Variants in TAP1 observed in about 807,000 individuals in gnomAD.
The protein encoded by TAP1 is transporter 1, ATP binding cassette subfamily B member.
TAP1 carries 56 observed loss-of-function variants against 79.3 expected under a neutral mutation model. The observed-to-expected ratio is 0.71, with a 90% CI of 0.57 to 0.88. The LOEUF (loss-of-function observed/expected upper bound fraction) is 0.88. TAP1 is among the 40% of genes least tolerant of loss of function. TAP1 has a pLI of 0.00. For synonymous variants in TAP1, 355 were observed against 401.4 expected (o/e 0.88, Z 1.38); for missense variants, 737 against 936.3 (o/e 0.79, Z 2.78).
chr6:32,853,047 G>C lies in TAP1; in HGVS notation c.590C>G (p.Ser197Cys). ...LSLFLVLVVL[S>C]SLGEMAIPFF... ...CCCTGCGTTCCCCTTACCAAGAGAGGAGAGGACCACCAGGACCAGGAACAG... is the reference window on the plus strand; with the variant it reads ...CCCTGCGTTCCCCTTACCAAGAGAGCAGAGGACCACCAGGACCAGGAACAG... Residue 197 changes from serine (S) to cysteine (C), a missense_variant, in exon 1 of 11, where the codon TCC becomes TGC. This residue lies in a region of TAP1 where 406 missense variants were observed against 477.2 expected (regional missense o/e 0.85). Transcript: ENST00000354258. The surrounding 1 kb of genome is among the most constrained non-coding windows in gnomAD (Gnocchi z 8.3). 6.2e-7 allele frequency: 1 copy of C among 1,612,256 alleles called. No homozygotes were observed. Among genetic ancestry groups the C allele is most frequent in the Admixed American group, 1.7e-5 (1 of 60,020 alleles).
chr6:32,852,112 T>C lies in TAP1; in HGVS notation c.841A>G (p.Thr281Ala). The change falls in exon 3 of 11, where the codon ACA becomes GCA. Residue 281 changes from threonine (T) to alanine (A), a missense_variant. Physicochemically the swap from Thr to Ala is moderately conservative, Grantham distance 58 (BLOSUM62 0). Coordinates refer to ENST00000354258, the MANE Select transcript of TAP1 (RefSeq NM_000593.6). This position sits in a 1 kb window ranked among gnomAD's most constrained non-coding sequence, Gnocchi z 4.8. ...ATGAAAGAGTTTCAGGAGAAACCTG[T>C]CTGGTTCTGTTGGAAAAACTCCGTC... ...QETEFFQQNQ[T>A]GNIMSRVTED... The C allele has an allele frequency of 6.2e-7, 1 of 1,613,028 alleles. No individual in the cohort carries two copies. The highest frequency in any genetic ancestry group is 8.5e-7 in the Non-Finnish European group (1 of 1,180,022).
rs867642641 is a variant in TAP1 at position 32,850,071 on chromosome 6, G to T, written c.1248+249C>A. ...GGAAGGCCCTAGGACTGGAAGACAC[G>T]CATCTCTCCAATCCACATGGTTGGG... On this transcript the variant is annotated intron_variant, in intron 5 of 10. Transcript: ENST00000354258. The surrounding 1 kb of genome is among the most constrained non-coding windows in gnomAD (Gnocchi z 5.5). 3.7e-5 allele frequency: 22 copies of T among 593,984 alleles called. 1 individual carries two copies. The South Asian group carries it at 4.1e-4, about 11-fold the overall frequency. The allele number at this position is 593,984 out of a possible 1,614,324, so 36.8% of individuals were successfully genotyped here.
In TAP1 at chr6:32,850,049, A is replaced by G; in HGVS notation, c.1248+271T>C. ...TGCACTTCCCCTGAGAGGCAAAGGA[A>G]GGCCCTAGGACTGGAAGACACGCAT... On this transcript the variant is annotated intron_variant, in intron 5 of 10. Transcript: ENST00000354258. The surrounding 1 kb of genome is among the most constrained non-coding windows in gnomAD (Gnocchi z 5.5). The G allele has an allele frequency of 1.8e-6, 1 of 557,354 alleles. No homozygotes were observed. The highest frequency in any genetic ancestry group is 3.2e-6 in the Non-Finnish European group (1 of 310,830). The allele number at this position is 557,354 out of a possible 1,614,324, so 34.5% of individuals were successfully genotyped here. A position where few individuals can be genotyped will look rare whatever the true frequency, so the allele number is the denominator to read the frequency against.
Position 32,853,076 on chromosome 6 carries a change from G to C in TAP1, c.561C>G (p.Leu187=), listed in dbSNP as rs777396404. 6.2e-7 allele frequency: 1 copy of C among 1,612,692 alleles called. No homozygotes were observed. Among genetic ancestry groups the C allele is most frequent in the East Asian group, 2.2e-5 (1 of 44,890 alleles). ...GGACCACCAGGACCAGGAACAGCGA[G>C]AGGCGGCGCGTCTCCGAGCCCAGGC... ...LGCLGSETRR[L]SLFLVLVVLS... Residue 187 remains leucine, a synonymous_variant, in exon 1 of 11, where the codon CTC becomes CTG. Coordinates refer to ENST00000354258, the MANE Select transcript of TAP1 (RefSeq NM_000593.6). The surrounding 1 kb of genome is among the most constrained non-coding windows in gnomAD (Gnocchi z 8.3).
Position 32,853,483 on chromosome 6 carries a change from G to C in TAP1, c.154C>G (p.Leu52Val), listed in dbSNP as rs757504592. 1.2e-6 allele frequency: 2 copies of C among 1,609,908 alleles called. No homozygotes were observed. Among genetic ancestry groups the C allele is most frequent in the African/African-American group, 2.7e-5 (2 of 74,858 alleles). ...RIFSLLVPTA[L>V]PLLRVWAVGL... ...ACCGCCCAGACCCGGAGCAGTGGCA[G>C]CGCGGTGGGCACCAGCAGGGAGAAT... The change falls in exon 1 of 11, where the codon CTG becomes GTG. Residue 52 changes from leucine (L) to valine (V), a missense_variant. Leu to Val is a conservative substitution (Grantham distance 32, BLOSUM62 1). Transcript: ENST00000354258. This position sits in a 1 kb window ranked among gnomAD's most constrained non-coding sequence, Gnocchi z 8.3.
In TAP1 at chr6:32,845,659, C is replaced by T. The variant is rs768348425; in HGVS notation, c.2167G>A (p.Gly723Arg). The T allele has an allele frequency of 1.2e-6, 2 of 1,613,112 alleles. No individual in the cohort carries two copies. Among genetic ancestry groups the T allele is most frequent in the Admixed American group, 1.7e-5 (1 of 60,036 alleles). ...TCCATGAGCTGCTGGTGGGTTCCCC[C>T]CTCCCGGATAGCGCCTCCTTCCAGA... Reference protein sequence around the residue: ...LFLEGGAIREGGTHQQLMEKK... With the variant: ...LFLEGGAIRERGTHQQLMEKK... The change falls in exon 11 of 11, where the codon GGG (glycine) becomes AGG (arginine). Residue 723 changes from glycine to arginine, a missense_variant. Physicochemically the swap from Gly to Arg is moderately radical, Grantham distance 125. Coordinates refer to ENST00000354258, the MANE Select transcript of TAP1 (RefSeq NM_000593.6). This position sits in a 1 kb window ranked among gnomAD's most constrained non-coding sequence, Gnocchi z 4.5.
Position 32,845,737 on chromosome 6 carries a change from G to A in TAP1, c.2089C>T (p.Leu697Phe), listed in dbSNP as rs781502493. The change falls in exon 11 of 11, where the codon CTT becomes TTT. Residue 697 changes from leucine (L) to phenylalanine (F), a missense_variant. Transcript: ENST00000354258. The surrounding 1 kb of genome is among the most constrained non-coding windows in gnomAD (Gnocchi z 4.5). ...ESPERYSRSV[L>F]LITQHLSLVE... ...AGGCTGAGGTGCTGGGTGATGAGAA[G>A]CACTGAGCGGGAGTACCGCTCAGGG... 1 of 1,612,976 alleles carries A rather than the reference G, an allele frequency of 6.2e-7. No homozygotes were observed.
At position 32,848,853 on chromosome 6, in the gene TAP1, A is replaced by T; in HGVS notation, c.1378-13T>A. 1 of 1,613,730 alleles carries T rather than the reference A, an allele frequency of 6.2e-7. No homozygotes were observed. The highest frequency in any genetic ancestry group is 8.5e-7 in the Non-Finnish European group (1 of 1,179,984). On this transcript the variant is annotated splice_polypyrimidine_tract_variant and intron_variant, in intron 6 of 10. Coordinates refer to ENST00000354258, the MANE Select transcript of TAP1 (RefSeq NM_000593.6). The stretch of plus-strand genomic sequence containing the variant: ...TGGAGAGCAGTACCTAGAGGGAGGT[A>T]AGAATAGTGAAAGTGAGGTAGTCTG...
Position 32,845,574 on chromosome 6 carries a change from G to A in TAP1, c.*5C>T. On this transcript the variant is annotated 3_prime_UTR_variant, in exon 11 of 11. Coordinates refer to ENST00000354258, the MANE Select transcript of TAP1 (RefSeq NM_000593.6). This position sits in a 1 kb window ranked among gnomAD's most constrained non-coding sequence, Gnocchi z 4.5. ...GAGATGGAGTGCGCAGGTCTGAGAA[G>A]GCTTTCATTCTGGAGCATCTGCAGG... 6.2e-7 allele frequency: 1 copy of A among 1,613,004 alleles called. No individual in the cohort carries two copies. Among genetic ancestry groups the A allele is most frequent in the Non-Finnish European group, 8.5e-7 (1 of 1,179,982 alleles).
chr6:32,847,991 C>A lies in TAP1; in HGVS notation c.1668G>T (p.Gln556His). ...CCAACAGCAGCTGTCCCCCGGTGGG[C>A]TGGTACAGATTCTGCAGCAGGGCAG... ...TVAALLQNLYQPTGGQLLLDG... is the reference protein window; with the variant it reads ...TVAALLQNLYHPTGGQLLLDG... Residue 556 changes from glutamine to histidine, a missense_variant, in exon 8 of 11, where the codon CAG (glutamine) becomes CAT (histidine). Coordinates refer to ENST00000354258, the MANE Select transcript of TAP1 (RefSeq NM_000593.6). The surrounding 1 kb of genome is among the most constrained non-coding windows in gnomAD (Gnocchi z 4.7). 1 of 1,613,126 alleles carries A rather than the reference C, an allele frequency of 6.2e-7. No individual in the cohort carries two copies. Among genetic ancestry groups the A allele is most frequent in the Non-Finnish European group, 8.5e-7 (1 of 1,180,038 alleles).
At position 32,847,258 on chromosome 6, in the gene TAP1, G is replaced by C. The variant is rs1223389659; in HGVS notation, c.1904-54C>G. 8.8e-6 allele frequency: 14 copies of C among 1,591,702 alleles called. No individual in the cohort carries two copies. The highest frequency in any genetic ancestry group is 6.6e-5 in the South Asian group (6 of 90,678). On this transcript the variant is annotated intron_variant, in intron 9 of 10. Transcript: ENST00000354258. This position sits in a 1 kb window ranked among gnomAD's most constrained non-coding sequence, Gnocchi z 4.7. ...GGTATAGCCACATGTGTGCACGCAT[G>C]TACATGCACACAGACACACTCATGC...
chr6:32,847,533 A>T lies in TAP1; in HGVS notation c.1883T>A (p.Leu628His). The change falls in exon 9 of 11, where the codon CTC becomes CAC. Residue 628 changes from leucine (L) to histidine (H), a missense_variant. By Grantham distance (99) the Leu-to-His change is moderately conservative. Coordinates refer to ENST00000354258, the MANE Select transcript of TAP1 (RefSeq NM_000593.6). The surrounding 1 kb of genome is among the most constrained non-coding windows in gnomAD (Gnocchi z 4.7). ...KSGAHSFISG[L>H]PQGYDTEVDE... ...AGTACCTGTGTCATAGCCCTGAGGG[A>T]GTCCAGAGATGAAACTATGGGCCCC... is the stretch of plus-strand genomic sequence containing the variant. 6.2e-7 allele frequency: 1 copy of T among 1,613,816 alleles called. No individual in the cohort carries two copies.
intron 7 of TAP1, 183 bp from the exon 8 acceptor site, chr6:32,848,275 G>C: frequency 1.3e-6 from 1 of 792,766 alleles, no homozygotes; most frequent in Admixed American, 2.3e-5. Flanking sequence ...GATAGAAGAA[G>C]CGGCAAAGAC....
rs2228106 is a variant in TAP1 at position 32,848,671 on chromosome 6, G to A, written c.1547C>T (p.Pro516Leu). 3.7e-3 allele frequency: 5,991 copies of A among 1,614,104 alleles called. 17 individuals are homozygous for A. The highest frequency in any genetic ancestry group is 4.6e-3 in the Non-Finnish European group (5,444 of 1,180,024). Residue 516 changes from proline (P) to leucine (L), a missense_variant, in exon 7 of 11, where the codon CCA (proline) becomes CTA (leucine). Transcript: ENST00000354258. ...QDVSFAYPNR[P>L]DVLVLQGLTF... ...TTGTACCTGTAGCACTAAGACATCT[G>A]GGCGGTTTGGGTAGGCAAAGGAGAC...
rs1433576977 is a variant in TAP1 at position 32,850,113 on chromosome 6, T to C, written c.1248+207A>G. On this transcript the variant is annotated intron_variant, in intron 5 of 10. Transcript: ENST00000354258. This position sits in a 1 kb window ranked among gnomAD's most constrained non-coding sequence, Gnocchi z 5.5. ...ATGGTTGGGTGGATTTTATGTACCATACTGAAAGGAAGCCACCTAGCATCT... is the reference window on the plus strand; with the variant it reads ...ATGGTTGGGTGGATTTTATGTACCACACTGAAAGGAAGCCACCTAGCATCT... 3 of 654,000 alleles carry C rather than the reference T, an allele frequency of 4.6e-6. No homozygotes were observed. The highest frequency in any genetic ancestry group is 5.4e-5 in the East Asian group (2 of 36,846). 40.5% of individuals were successfully genotyped at this position (654,000 alleles called of 1,614,324 possible).
Position 32,852,845 on chromosome 6 carries a change from G to T in TAP1, c.598+194C>A. 1 of 1,440,382 alleles carries T rather than the reference G, an allele frequency of 6.9e-7. No homozygotes were observed. The highest frequency in any genetic ancestry group is 9.1e-7 in the Non-Finnish European group (1 of 1,104,138). The allele number at this position is 1,440,382 out of a possible 1,614,324, so 89.2% of individuals were successfully genotyped here. On this transcript the variant is annotated intron_variant, in intron 1 of 10. Coordinates refer to ENST00000354258, the MANE Select transcript of TAP1 (RefSeq NM_000593.6). The surrounding 1 kb of genome is among the most constrained non-coding windows in gnomAD (Gnocchi z 4.8). ...GAATCAAGACCCGGTCAGCAATGGAGCCCAGAACCTCTGGCCCCCGCCAGT... is the reference window on the plus strand; with the variant it reads ...GAATCAAGACCCGGTCAGCAATGGATCCCAGAACCTCTGGCCCCCGCCAGT...
Position 32,845,990 on chromosome 6 carries a change from G to A in TAP1, c.2041-205C>T. On this transcript the variant is annotated intron_variant, in intron 10 of 10. Coordinates refer to ENST00000354258, the MANE Select transcript of TAP1 (RefSeq NM_000593.6). This position sits in a 1 kb window ranked among gnomAD's most constrained non-coding sequence, Gnocchi z 4.5. ...GTTTTACATGAAGGGTGCAAAAGTA[G>A]GATAAAAATGAGAACCCTAGGGTGA... The A allele has an allele frequency of 4.9e-6, 3 of 609,688 alleles. No homozygotes were observed. The highest frequency in any genetic ancestry group is 5.9e-6 in the Non-Finnish European group (2 of 339,650). The allele number at this position is 609,688 out of a possible 1,614,324, so 37.8% of individuals were successfully genotyped here.
rs773542116 is a variant in TAP1, at chr6:32,850,274, G to A, written c.1248+46C>T. 2.6e-5 allele frequency: 41 copies of A among 1,585,760 alleles called. No individual in the cohort carries two copies. The highest frequency in any genetic ancestry group is 6.7e-5 in the Admixed American group (4 of 59,978). ...GTCATAGGAATGGGAATGGAGTCAC[G>A]GCATCTTAAGGACAAGGGAATGGGT... On this transcript the variant is annotated intron_variant, in intron 5 of 10. Coordinates refer to ENST00000354258, the MANE Select transcript of TAP1 (RefSeq NM_000593.6). This position sits in a 1 kb window ranked among gnomAD's most constrained non-coding sequence, Gnocchi z 5.5.
chr6:32,852,039 GGGA>G lies in TAP1; in HGVS notation c.844+67_844+69del, dbSNP rs1313847388. On this transcript the variant is annotated intron_variant, in intron 3 of 10. Coordinates refer to ENST00000354258, the MANE Select transcript of TAP1 (RefSeq NM_000593.6). This position sits in a 1 kb window ranked among gnomAD's most constrained non-coding sequence, Gnocchi z 4.8. Reference sequence around the variant, plus strand: ...TGTGAGAGAGAGAGAGCGGGGAGGGGGGAGATCAAAGCAGATGTATGAGGATAT... The same window carrying G: ...TGTGAGAGAGAGAGAGCGGGGAGGGGGATCAAAGCAGATGTATGAGGATAT... 2 of 1,600,882 alleles carry G rather than the reference GGGA, an allele frequency of 1.2e-6. No homozygotes were observed. The highest frequency in any genetic ancestry group is 4.5e-5 in the East Asian group (2 of 44,796).
Sources: allele counts gnomAD v4.1 joint callset, GRCh38; gene constraint gnomAD v4.1.1; regional missense constraint gnomAD v4.1.1; non-coding constraint Gnocchi (gnomAD v3.1); transcripts MANE v1.5; gene names NCBI Gene and HGNC (gene_info 2026-07-23, HGNC 2026-07-21).